Variants in SORD observed in about 807,000 individuals in gnomAD.
SORD encodes (R,R)-butanediol dehydrogenase.
Under a neutral mutation model 35.6 loss-of-function variants are expected in SORD, and 18 were observed. The observed-to-expected ratio is 0.51, with a 90% CI of 0.35 to 0.75. The LOEUF (loss-of-function observed/expected upper bound fraction) is 0.75. SORD is among the 30% of genes least tolerant of loss of function. The pLI, the probability that SORD is intolerant of heterozygous loss-of-function variation, is 0.01. For missense variants in SORD, 250 were observed against 390.2 expected, an observed-to-expected ratio of 0.64 and a Z score of 3.03; for synonymous variants, 106 against 152.9, an observed-to-expected ratio of 0.69 and a Z score of 2.26.
intron 4 of SORD, among the ~76,000 whole-genome samples, chr15:45,064,274 A>T (rs919639170): frequency 1.3e-5 from 2 of 152,194 alleles, no homozygotes; most frequent in African/African-American, 4.8e-5. Flanking sequence ...ACCTTGGTTA[A>T]GTCTGGCCTT....
chr15:45,054,720 T>C (rs1392604246), intron 3 of SORD, among the ~76,000 whole-genome samples: 14 of 152,092 alleles, frequency 9.2e-5, no homozygotes, highest in African/African-American at 2.4e-4. Context: ...AGTCCTTGCC[T>C]ATGCCTATGT....
chr15:45,036,019 C>T (rs1185575835), intron 1 of SORD, among the ~76,000 whole-genome samples: 1 of 151,706 alleles, frequency 6.6e-6, no homozygotes, highest in Non-Finnish European at 1.5e-5. Flanking sequence ...ACGAACCCAC[C>T]GGGAGGAACA....
chr15:45,065,743 A>G (rs1174600567), intron 5 of SORD, among the ~76,000 whole-genome samples: 1 of 152,110 alleles, frequency 6.6e-6, no homozygotes, highest in Non-Finnish European at 1.5e-5. Context: ...AACATGGTGA[A>G]ACCCCGTCTC....
intron 3 of SORD, among the ~76,000 whole-genome samples, chr15:45,053,208 AG>A (rs1407285416): frequency 6.6e-6 from 1 of 152,198 alleles, no homozygotes; most frequent in African/African-American, 2.4e-5. Context: ...CATACCAAGA[AG>A]CCTTTGAAAC....
intron 1 of SORD, among the ~76,000 whole-genome samples, chr15:45,030,548 A>G (rs2412952): frequency 0.21 from 31,315 of 150,996 alleles, no homozygotes; most frequent in African/African-American, 0.44. Flanking sequence ...GAAATATTCA[A>G]TTACATAGAC....
At chr15:45,067,257 G>T (rs1187126783) in intron 5 of SORD, among the ~76,000 whole-genome samples, 1 of 152,128 alleles carries the variant, frequency 6.6e-6, no homozygotes, top group Admixed American at 6.5e-5. Flanking sequence ...CACTACTTAG[G>T]AGGCTGAGGT....
At chr15:45,065,123 A>G (rs1893383485) in intron 4 of SORD, 148 bp from the exon 5 acceptor site, 1 of 643,820 alleles carries the variant, frequency 1.6e-6, no homozygotes, top group Admixed American at 2.6e-5. Flanking sequence ...TAATGTATAT[A>G]AATTGCTTAG....
rs573073183 is a variant in SORD at position 45,058,926 on chromosome 15, G to A, written c.266-2141G>A. Among the ~76,000 whole-genome samples the A allele has an allele frequency of 4.6e-5, 7 of 152,238 alleles. No individual in the cohort carries two copies. In the East Asian group the frequency reaches 9.6e-4, roughly 21 times the overall value. On this transcript the variant is annotated intron_variant, in intron 3 of 8. Coordinates refer to ENST00000267814, the MANE Select transcript of SORD (RefSeq NM_003104.6). ...CAGCTTCTCTTGCCTGAGCAACTAC[G>A]GGCATGTTTTAAGCAAGCCTCCACC...
intron 1 of SORD, 132 bp from the exon 2 acceptor site, chr15:45,040,276 G>A (rs1335444238): frequency 3.1e-6 from 2 of 651,506 alleles, no homozygotes; most frequent in Non-Finnish European, 2.8e-6. Flanking sequence ...CAGGAGCAGT[G>A]TGGTCTGAGC....
intron 3 of SORD, among the ~76,000 whole-genome samples, chr15:45,046,472 A>G (rs1219587737): frequency 6.6e-6 from 1 of 152,096 alleles, no homozygotes; most frequent in African/African-American, 2.4e-5. Context: ...CAAACTCCTG[A>G]CCTCAGGTGA....
At chr15:45,040,918 A>G (rs34612338) in intron 2 of SORD, among the ~76,000 whole-genome samples, 27 of 151,910 alleles carry the variant, frequency 1.8e-4, no homozygotes, top group African/African-American at 5.8e-4. Flanking sequence ...GCCAGTCACC[A>G]AAGTGTGGGG....
intron 3 of SORD, among the ~76,000 whole-genome samples, chr15:45,052,716 C>T (rs1893145053): frequency 6.6e-6 from 1 of 152,162 alleles, no homozygotes; most frequent in African/African-American, 2.4e-5. Flanking sequence ...CCCCACCACC[C>T]AGAGACTGCT....
At chr15:45,060,866 A>T in intron 3 of SORD, 3 of 1,186,246 alleles carry the variant, frequency 2.5e-6, no homozygotes, top group Non-Finnish European at 3.4e-6. Flanking sequence ...TCACTTGCCT[A>T]GGACACCCTG....
chr15:45,068,048 G>A (rs917307732), intron 5 of SORD, 133 bp from the exon 6 acceptor site: 31 of 718,950 alleles, frequency 4.3e-5, no homozygotes, highest in African/African-American at 3.6e-4. Flanking sequence ...CAGCCGCTAA[G>A]GTCTTATCAT....
chr15:45,040,837 A>G (rs1375855663), intron 2 of SORD, among the ~76,000 whole-genome samples: 1 of 152,200 alleles, frequency 6.6e-6, no homozygotes, highest in East Asian at 1.9e-4. Context: ...AACTTTGAAA[A>G]GGAGTGAGTC....
intron 6 of SORD, among the ~76,000 whole-genome samples, chr15:45,068,585 A>G (rs1016067884): frequency 1.8e-4 from 27 of 151,742 alleles, no homozygotes; most frequent in African/African-American, 6.6e-4. Context: ...AAAATACCCT[A>G]ACACTAATGA....
intron 2 of SORD, among the ~76,000 whole-genome samples, chr15:45,040,968 G>A (rs1288866097): frequency 6.6e-6 from 1 of 152,212 alleles, no homozygotes; most frequent in Admixed American, 6.5e-5. Flanking sequence ...GGGAGGTGCT[G>A]CATGGGTCCC....
chr15:45,068,760 A>G lies in SORD; in HGVS notation c.611-117A>G. 12 of 1,356,970 alleles carry G rather than the reference A, an allele frequency of 8.8e-6. No homozygotes were observed. The South Asian group carries it at 2.0e-4, about 23-fold the overall frequency. 84.1% of individuals were successfully genotyped at this position (1,356,970 alleles called of 1,614,324 possible). The stretch of plus-strand genomic sequence containing the variant: ...TGTGTTGGGCTCAACACCACCACCC[A>G]TTGCACGAGAGCTTTGTTGCCATCA... On this transcript the variant is annotated intron_variant, in intron 6 of 8. Transcript: ENST00000267814.
At chr15:45,029,413 G>A (rs566487575) in intron 1 of SORD, among the ~76,000 whole-genome samples, 1 of 150,600 alleles carries the variant, frequency 6.6e-6, no homozygotes, top group Admixed American at 6.6e-5. Context: ...CCTTGTGGGA[G>A]GGAGCACATG....
Sources: allele counts gnomAD v4.1 joint callset (sites outside exome capture counted in the v4.1 genomes callset), GRCh38; gene constraint gnomAD v4.1.1; transcripts MANE v1.5; gene names NCBI Gene and HGNC (gene_info 2026-07-23, HGNC 2026-07-21).